Variants in APBA1 observed in about 807,000 individuals in gnomAD.
APBA1 encodes amyloid-beta A4 precursor protein-binding family A member 1.
APBA1 carries 55 observed loss-of-function variants against 86.6 expected under a neutral mutation model. That is an observed-to-expected ratio of 0.64 (90% CI 0.51 to 0.80). The LOEUF (loss-of-function observed/expected upper bound fraction) is 0.80. Ranked by LOEUF, APBA1 falls within the 30% of genes least tolerant of loss-of-function variation. The probability of loss-of-function intolerance (pLI) is 0.00; values close to 1 mark genes in which losing one functional copy is unlikely to be tolerated. For synonymous variants in APBA1, 511 were observed against 493.9 expected (o/e 1.03, Z -0.46); for missense variants, 1,090 against 1,183.0 (o/e 0.92, Z 1.15).
At chr9:69,515,086 G>A (rs900392290) in intron 2 of APBA1, among the ~76,000 whole-genome samples, 3 of 152,182 alleles carry the variant, frequency 2.0e-5, no homozygotes, top group Non-Finnish European at 4.4e-5. Flanking sequence ...TAGTGACAAC[G>A]TTGAACTTTA....
At chr9:69,487,119 C>CA (rs775205183) in intron 2 of APBA1, among the ~76,000 whole-genome samples, 1 of 152,026 alleles carries the variant, frequency 6.6e-6, no homozygotes, top group African/African-American at 2.4e-5. Context: ...AGATGATGAA[C>CA]AACATTCTAT....
chr9:69,491,024 A>G (rs146299140), intron 2 of APBA1, among the ~76,000 whole-genome samples: 22 of 152,280 alleles, frequency 1.4e-4, no homozygotes, highest in African/African-American at 5.3e-4. Flanking sequence ...AAATTAGTTC[A>G]ACCATTGTGG....
intron 1 of APBA1, among the ~76,000 whole-genome samples, chr9:69,604,152 C>T (rs1024203712): frequency 6.6e-6 from 1 of 152,134 alleles, no homozygotes; most frequent in South Asian, 2.1e-4. Context: ...AGTTGTTAGA[C>T]AGCGTTTGTG....
chr9:69,552,044 G>T (rs1404180459), intron 1 of APBA1, among the ~76,000 whole-genome samples: 3 of 152,194 alleles, frequency 2.0e-5, no homozygotes, highest in African/African-American at 7.2e-5. Context: ...AGTTCACTAT[G>T]GACAGAAACT....
chr9:69,524,206 C>T (rs1475227885), intron 1 of APBA1, among the ~76,000 whole-genome samples: 1 of 151,944 alleles, frequency 6.6e-6, no homozygotes, highest in African/African-American at 2.4e-5. Context: ...AACCCCAAAG[C>T]TAGCAGAAAA....
chr9:69,650,310 C>T (rs919932122), intron 1 of APBA1, among the ~76,000 whole-genome samples: 1 of 152,190 alleles, frequency 6.6e-6, no homozygotes, highest in African/African-American at 2.4e-5. Context: ...TCTTATGCTG[C>T]TTATAGTAAG....
chr9:69,604,890 G>T (rs568801573), intron 1 of APBA1, among the ~76,000 whole-genome samples: 1 of 151,930 alleles, frequency 6.6e-6, no homozygotes, highest in Admixed American at 6.6e-5. Context: ...GCACATGAGG[G>T]TAAGAGGAGA....
At chr9:69,467,172 T>C (rs1177273299) in intron 5 of APBA1, among the ~76,000 whole-genome samples, 3 of 152,234 alleles carry the variant, frequency 2.0e-5, no homozygotes, top group African/African-American at 4.8e-5. Flanking sequence ...AATAAACCAG[T>C]TCTGGATGGT....
At chr9:69,435,264 T>A (rs995683518) in intron 11 of APBA1, among the ~76,000 whole-genome samples, 1 of 152,158 alleles carries the variant, frequency 6.6e-6, no homozygotes, top group Non-Finnish European at 1.5e-5. Context: ...TACGTGTGCA[T>A]GTGTCTTTGC....
intron 1 of APBA1, among the ~76,000 whole-genome samples, chr9:69,538,359 G>A (rs1836547008): frequency 6.6e-6 from 1 of 152,208 alleles, no homozygotes; most frequent in Admixed American, 6.5e-5. Context: ...TACCCTGGAG[G>A]GGGTGGAAAA....
At chr9:69,519,153 A>G (rs1836213287) in intron 1 of APBA1, among the ~76,000 whole-genome samples, 1 of 152,248 alleles carries the variant, frequency 6.6e-6, no homozygotes, top group Admixed American at 6.5e-5. Flanking sequence ...AGCAAGTATG[A>G]ATCTCCCTTC....
At chr9:69,643,235 A>G (rs1293599537) in intron 1 of APBA1, among the ~76,000 whole-genome samples, 1 of 152,220 alleles carries the variant, frequency 6.6e-6, no homozygotes, top group African/African-American at 2.4e-5. Context: ...ATATGTCTAC[A>G]CAAGCTCCCC....
In APBA1 at chr9:69,476,118, G is replaced by A. The variant is rs138179284; in HGVS notation, c.1226C>T (p.Pro409Leu). 2.0e-5 allele frequency: 33 copies of A among 1,613,824 alleles called. No homozygotes were observed. The African/African-American group carries it at 3.5e-4, about 17-fold the overall frequency. ...GDSPSPGSSS[P>L]LGAESSSTSL... is the part of the protein sequence containing the mutation. ...TGTGCTTGATGACTCTGCACCCAAG[G>A]GGGAGGAGCTGCCAGGAGACGGAGA... Residue 409 changes from proline (P) to leucine (L), a missense_variant, in exon 3 of 13, where the codon CCC becomes CTC. This residue lies in a region of APBA1 where 678 missense variants were observed against 647.1 expected (regional missense o/e 1.05). Transcript: ENST00000265381.
At chr9:69,466,793 C>T (rs1835287246) in intron 5 of APBA1, among the ~76,000 whole-genome samples, 1 of 152,216 alleles carries the variant, frequency 6.6e-6, no homozygotes. Flanking sequence ...CACACAAACA[C>T]CAGGGTGCAA....
At chr9:69,442,896 C>T (rs905643072) in intron 10 of APBA1, among the ~76,000 whole-genome samples, 9 of 152,144 alleles carry the variant, frequency 5.9e-5, no homozygotes. Context: ...ACTATGGATC[C>T]CTGCTCAGGT....
intron 2 of APBA1, among the ~76,000 whole-genome samples, chr9:69,514,699 A>C (rs1836105590): frequency 6.6e-6 from 1 of 152,182 alleles, no homozygotes; most frequent in Non-Finnish European, 1.5e-5. Context: ...ACTTGTGGCC[A>C]GCGGTTCGAG....
Position 69,553,018 on chromosome 9 carries a change from C to G in APBA1, c.-69-35739G>C, listed in dbSNP as rs530092610. 5.9e-5 allele frequency among the ~76,000 whole-genome samples: 9 copies of G among 152,088 alleles called. No homozygotes were observed. In the East Asian group the frequency reaches 1.7e-3, roughly 29 times the overall value. On this transcript the variant is annotated intron_variant, in intron 1 of 12. Coordinates refer to ENST00000265381, the MANE Select transcript of APBA1 (RefSeq NM_001163.4). Reference sequence around the variant, plus strand: ...ACCAGGGTTGAAGCAATCCTCCCACCTAAGCCTCCTGAGTAGCTGGGAATA... The same window carrying G: ...ACCAGGGTTGAAGCAATCCTCCCACGTAAGCCTCCTGAGTAGCTGGGAATA...
At chr9:69,482,420 G>A (rs1835527977) in intron 2 of APBA1, among the ~76,000 whole-genome samples, 1 of 151,404 alleles carries the variant, frequency 6.6e-6, no homozygotes, top group Non-Finnish European at 1.5e-5. Flanking sequence ...AAACCACAAT[G>A]AGATACCATC....
intron 1 of APBA1, among the ~76,000 whole-genome samples, chr9:69,601,231 C>T (rs1029665339): frequency 5.9e-5 from 9 of 152,242 alleles, no homozygotes; most frequent in African/African-American, 2.2e-4. Flanking sequence ...CCTTTTTGAT[C>T]AGGAGGTCAG....
Sources: gnomAD v4.1 joint callset for allele counts (sites outside exome capture counted in the v4.1 genomes callset) on GRCh38, gnomAD v4.1.1 for gene constraint, gnomAD v4.1.1 regional missense constraint, MANE v1.5 for transcripts, NCBI Gene and HGNC (gene_info 2026-07-23, HGNC 2026-07-21) for gene names.